CAMK2D: variants seen among roughly 807,000 people sequenced by gnomAD.
The protein encoded by CAMK2D is calcium/calmodulin-dependent protein kinase type II subunit delta.
Under a neutral mutation model 84.0 loss-of-function variants are expected in CAMK2D, and 37 were observed. That is an observed-to-expected ratio of 0.44 (90% CI 0.34 to 0.58). The LOEUF (loss-of-function observed/expected upper bound fraction) is 0.58, where lower values mean the gene tolerates loss of function less well. CAMK2D is among the 20% of genes least tolerant of loss of function. CAMK2D has a pLI of 0.02. For synonymous variants in CAMK2D, 202 were observed against 212.5 expected (o/e 0.95, Z 0.43); for missense variants, 448 against 652.5 (o/e 0.69, Z 3.41).
At chr4:113,681,583 G>A (rs576562723) in intron 2 of CAMK2D, among the ~76,000 whole-genome samples, 7 of 152,234 alleles carry the variant, frequency 4.6e-5, no homozygotes, top group Admixed American at 2.0e-4. Flanking sequence ...CATTTTCAGT[G>A]CAAAGATAGT....
intron 2 of CAMK2D, chr4:113,754,341 C>T (rs567702392): frequency 8.2e-5 from 81 of 982,514 alleles, no homozygotes; most frequent in Non-Finnish European, 9.8e-5. Flanking sequence ...CCAAGGAAGA[C>T]TTTAAAAATA....
At chr4:113,749,028 A>G (rs1441631032) in intron 2 of CAMK2D, among the ~76,000 whole-genome samples, 1 of 151,930 alleles carries the variant, frequency 6.6e-6, no homozygotes, top group Admixed American at 6.6e-5. Context: ...AAACTGCCAA[A>G]ATGTACACCT....
intron 8 of CAMK2D, among the ~76,000 whole-genome samples, chr4:113,525,581 C>G (rs904881175): frequency 6.6e-6 from 1 of 152,060 alleles, no homozygotes; most frequent in South Asian, 2.1e-4. Context: ...ACTCTGTGTG[C>G]GATCACAAAA....
chr4:113,551,536 T>C (rs1036015355), intron 5 of CAMK2D, among the ~76,000 whole-genome samples: 6 of 152,186 alleles, frequency 3.9e-5, no homozygotes, highest in Admixed American at 1.3e-4. Context: ...ATGATGAAAA[T>C]GTTCTATATC....
chr4:113,547,789 T>C, intron 5 of CAMK2D, 73 bp from the exon 6 acceptor site: 1 of 919,276 alleles, frequency 1.1e-6, no homozygotes, highest in Non-Finnish European at 1.6e-6. Flanking sequence ...TCAGAGAGAC[T>C]GGGTTAAAGT....
At chr4:113,602,588 C>T (rs1439227280) in intron 4 of CAMK2D, among the ~76,000 whole-genome samples, 1 of 152,152 alleles carries the variant, frequency 6.6e-6, no homozygotes, top group Non-Finnish European at 1.5e-5. Flanking sequence ...CCATTATCTG[C>T]CATTAATTAT....
At chr4:113,706,640 T>C (rs2099457694) in intron 2 of CAMK2D, among the ~76,000 whole-genome samples, 1 of 152,228 alleles carries the variant, frequency 6.6e-6, no homozygotes, top group Admixed American at 6.5e-5. Context: ...CTTTGCCTAC[T>C]ATTTAGTGCT....
intron 4 of CAMK2D, among the ~76,000 whole-genome samples, chr4:113,567,241 C>T (rs2098729881): frequency 6.7e-6 from 1 of 148,514 alleles, no homozygotes; most frequent in Non-Finnish European, 1.5e-5. Context: ...AATCTTGGCT[C>T]ACTGTAACCT....
chr4:113,701,817 C>A (rs2099418514), intron 2 of CAMK2D, among the ~76,000 whole-genome samples: 1 of 152,062 alleles, frequency 6.6e-6, no homozygotes, highest in African/African-American at 2.4e-5. Context: ...TCAGGTGATC[C>A]TTTTACCTCA....
At chr4:113,507,512 G>A (rs1388358479) in intron 13 of CAMK2D, among the ~76,000 whole-genome samples, 2 of 151,740 alleles carry the variant, frequency 1.3e-5, no homozygotes, top group Non-Finnish European at 2.9e-5. Context: ...CAGGTGATCC[G>A]TCTGTCTCAA....
At chr4:113,466,547 C>T (rs1008895908) in intron 16 of CAMK2D, among the ~76,000 whole-genome samples, 2 of 152,050 alleles carry the variant, frequency 1.3e-5, no homozygotes, top group African/African-American at 4.8e-5. Flanking sequence ...TGTTTTTAGA[C>T]AAATGGCCTT....
At position 113,460,216 on chromosome 4, in the gene CAMK2D, C is replaced by G; in HGVS notation, c.1237G>C (p.Ala413Pro). The G allele has an allele frequency of 6.2e-7, 1 of 1,603,020 alleles. No homozygotes were observed. The highest frequency in any genetic ancestry group is 8.5e-7 in the Non-Finnish European group (1 of 1,171,344). The change falls in exon 18 of 21, where the codon GCT becomes CCT. Residue 413 changes from alanine (A) to proline (P), a missense_variant. Around this residue, in one of 7 missense-constraint regions of CAMK2D, gnomAD observed 219 missense variants for 272.1 expected, o/e 0.80. Transcript: ENST00000511664. ...TTACCCAAAGCTTCAGGTTCAAAAGCAGTAAGGCCTGGGTCACAGATTTTT... is the reference window on the plus strand; with the variant it reads ...TTACCCAAAGCTTCAGGTTCAAAAGGAGTAAGGCCTGGGTCACAGATTTTT... ...YTKICDPGLT[A>P]FEPEALGNLV... is the part of the protein sequence containing the mutation.
chr4:113,611,853 T>C (rs1165090718), intron 3 of CAMK2D, among the ~76,000 whole-genome samples: 1 of 152,120 alleles, frequency 6.6e-6, no homozygotes, highest in Non-Finnish European at 1.5e-5. Context: ...CATCACACAA[T>C]TCCAAAATAA....
chr4:113,558,001 A>G (rs2098676871), intron 4 of CAMK2D, among the ~76,000 whole-genome samples: 1 of 152,160 alleles, frequency 6.6e-6, no homozygotes, highest in African/African-American at 2.4e-5. Flanking sequence ...TGAGATGTAC[A>G]GTTCTTGGAG....
intron 16 of CAMK2D, among the ~76,000 whole-genome samples, chr4:113,480,723 C>A (rs1219148662): frequency 1.3e-5 from 2 of 152,110 alleles, no homozygotes; most frequent in African/African-American, 4.8e-5. Flanking sequence ...TGCCTGTAAT[C>A]CCAGCTACTC....
chr4:113,600,305 C>A (rs1389734088), intron 4 of CAMK2D, among the ~76,000 whole-genome samples: 1 of 151,880 alleles, frequency 6.6e-6, no homozygotes, highest in Admixed American at 6.6e-5. Flanking sequence ...TAATCATGTA[C>A]CAAAGTAGGT....
intron 6 of CAMK2D, among the ~76,000 whole-genome samples, chr4:113,543,783 T>TATTG (rs1482848407): frequency 6.6e-6 from 1 of 151,118 alleles, no homozygotes; most frequent in Non-Finnish European, 1.5e-5. Flanking sequence ...TTTATTTATT[T>TATTG]ATTTATTTAT....
At chr4:113,651,331 C>CA (rs1489045469) in intron 3 of CAMK2D, among the ~76,000 whole-genome samples, 3 of 152,088 alleles carry the variant, frequency 2.0e-5, no homozygotes, top group African/African-American at 7.2e-5. Flanking sequence ...ATTCAGAGAG[C>CA]AAACACTTCT....
chr4:113,455,872 T>A lies in CAMK2D; in HGVS notation c.1536-51A>T, dbSNP rs748351908. 1.0e-5 allele frequency: 11 copies of A among 1,076,808 alleles called. No individual in the cohort carries two copies. In the Admixed American group the frequency reaches 1.5e-4, roughly 15 times the overall value. 66.7% of individuals were successfully genotyped at this position (1,076,808 alleles called of 1,614,324 possible). ...CACCTGGCATAAAATGAAGTTTTCT[T>A]GAATAGGCTTCATCCCATAAACACT... On this transcript the variant is annotated intron_variant, in intron 19 of 20. Coordinates refer to ENST00000511664, the MANE Select transcript of CAMK2D (RefSeq NM_001321571.2).
Sources: gnomAD v4.1 joint callset for allele counts (sites outside exome capture counted in the v4.1 genomes callset) on GRCh38, gnomAD v4.1.1 for gene constraint, gnomAD v4.1.1 regional missense constraint, MANE v1.5 for transcripts, NCBI Gene and HGNC (gene_info 2026-07-23, HGNC 2026-07-21) for gene names.